The following EFCAB6 variants were observed in gnomAD, a reference collection of about 807,000 sequenced individuals.
EFCAB6 encodes the protein EF-hand calcium-binding domain-containing protein 6.
Under a neutral mutation model 169.8 loss-of-function variants are expected in EFCAB6, and 156 were observed. The observed-to-expected ratio is 0.92, with a 90% CI of 0.81 to 1.05. EFCAB6 has a LOEUF of 1.05. Ranked by LOEUF, EFCAB6 falls within the 50% of genes least tolerant of loss-of-function variation. The pLI, the probability that EFCAB6 is intolerant of heterozygous loss-of-function variation, is 0.00. For synonymous variants in EFCAB6, 698 were observed against 676.4 expected (o/e 1.03, Z -0.50); for missense variants, 1,800 against 1,829.1 (o/e 0.98, Z 0.29).
At chr22:43,643,638 AC>A (rs2055952733) in intron 17 of EFCAB6, among the ~76,000 whole-genome samples, 1 of 152,148 alleles carries the variant, frequency 6.6e-6, no homozygotes, top group African/African-American at 2.4e-5. Flanking sequence ...ACCCTGGGAG[AC>A]GCGTTGCTCC....
intron 2 of EFCAB6, among the ~76,000 whole-genome samples, chr22:43,791,739 A>G (rs2062299483): frequency 6.6e-6 from 1 of 152,140 alleles, no homozygotes; most frequent in South Asian, 2.1e-4. Context: ...GTTCCTGAAC[A>G]ATTCAGAGGA....
rs895405318 is a variant in EFCAB6, at chr22:43,561,085, G to A, written c.3421-5989C>T. ...AAAACTTAGAAACTACAGGCTGGGT[G>A]CAGTGGCTCACACCTGTAATCTCAG... On this transcript the variant is annotated intron_variant, in intron 26 of 31. Coordinates refer to ENST00000262726, the MANE Select transcript of EFCAB6 (RefSeq NM_022785.4). Among the ~76,000 whole-genome samples the A allele has an allele frequency of 7.2e-5, 11 of 152,168 alleles. 1 individual carries two copies. The highest frequency in any genetic ancestry group is 7.2e-4 in the Admixed American group (11 of 15,284).
At chr22:43,648,373 T>A (rs137747) in intron 17 of EFCAB6, among the ~76,000 whole-genome samples, 90,407 of 151,998 alleles carry the variant, frequency 0.59, 27,328 homozygotes, top group East Asian at 0.77. Context: ...AATACTACAC[T>A]GCCATAAAAA....
chr22:43,545,199 C>T (rs1037665146), intron 27 of EFCAB6, among the ~76,000 whole-genome samples: 1 of 152,080 alleles, frequency 6.6e-6, no homozygotes, highest in African/African-American at 2.4e-5. Flanking sequence ...TGAAAACAGA[C>T]ATGATTATGT....
intron 31 of EFCAB6, among the ~76,000 whole-genome samples, chr22:43,530,251 G>A (rs1351261714): frequency 6.6e-6 from 1 of 152,260 alleles, no homozygotes; most frequent in Non-Finnish European, 1.5e-5. Context: ...ATCCCTGACT[G>A]AGATTTATAC....
intron 17 of EFCAB6, among the ~76,000 whole-genome samples, chr22:43,645,316 T>G (rs1352658459): frequency 6.6e-6 from 1 of 152,230 alleles, no homozygotes; most frequent in Non-Finnish European, 1.5e-5. Context: ...AAAGTGCATG[T>G]CATTTCTTAA....
intron 16 of EFCAB6, 33 bp downstream of exon 16, chr22:43,668,839 T>C (rs1278711109): frequency 1.3e-6 from 2 of 1,540,500 alleles, no homozygotes; most frequent in Admixed American, 1.9e-5. Flanking sequence ...ACACTGTGGT[T>C]TTGATATGTG....
chr22:43,649,501 G>GT (rs1326116505), intron 17 of EFCAB6, among the ~76,000 whole-genome samples: 1 of 152,066 alleles, frequency 6.6e-6, no homozygotes, highest in Non-Finnish European at 1.5e-5. Context: ...GTTTAAAAAT[G>GT]TTTTTAAAAA....
intron 20 of EFCAB6, among the ~76,000 whole-genome samples, chr22:43,624,600 T>C: frequency 6.6e-6 from 1 of 152,170 alleles, no homozygotes; most frequent in East Asian, 1.9e-4. Flanking sequence ...GGCAAACTCT[T>C]ACTCAAACTT....
rs565347949 is a variant in EFCAB6, at chr22:43,711,530, G to A, written c.976C>T (p.Leu326Phe). The change falls in exon 10 of 32, where the codon CTC becomes TTC. Residue 326 changes from leucine to phenylalanine, a missense_variant. Leu to Phe is a conservative substitution (Grantham distance 22). Coordinates refer to ENST00000262726, the MANE Select transcript of EFCAB6 (RefSeq NM_022785.4). ...YVSFNYLKIVLDTFVYQIPRR... is the reference protein window; with the variant it reads ...YVSFNYLKIVFDTFVYQIPRR... ...GGTATTTGGTATACAAAAGTGTCGA[G>A]GACAATCTTTAGATAATTAAAAGAC... 46 of 1,605,632 alleles carry A rather than the reference G, an allele frequency of 2.9e-5. 1 individual carries two copies. The South Asian group carries it at 4.6e-4, about 16-fold the overall frequency.
intron 10 of EFCAB6, among the ~76,000 whole-genome samples, chr22:43,706,972 G>A (rs1476383379): frequency 6.6e-6 from 1 of 152,182 alleles, no homozygotes; most frequent in Non-Finnish European, 1.5e-5. Context: ...ACCAAGAAAG[G>A]GAAATCCATA....
chr22:43,778,249 C>A (rs2061700789), intron 3 of EFCAB6, among the ~76,000 whole-genome samples: 2 of 152,204 alleles, frequency 1.3e-5, no homozygotes, highest in South Asian at 4.1e-4. Flanking sequence ...GGACCTTGGT[C>A]ACAGAGCAGG....
At chr22:43,585,242 A>G (rs1436300542) in intron 24 of EFCAB6, among the ~76,000 whole-genome samples, 2 of 152,164 alleles carry the variant, frequency 1.3e-5, no homozygotes, top group South Asian at 4.1e-4. Flanking sequence ...ACAAGTGGGC[A>G]ATGTAATCAG....
rs149049771 is a variant in EFCAB6 at position 43,739,317 on chromosome 22, CT to C, written c.508-3325del. On this transcript the variant is annotated intron_variant, in intron 6 of 31. Transcript: ENST00000262726. ...TCCTTGAGGCACTTTTGCTACTTAG[CT>C]TCCAGAGCCAATGCTCTCTCTCCTT... 3.2e-3 allele frequency among the ~76,000 whole-genome samples: 483 copies of C among 152,320 alleles called. 6 individuals carry two copies. Among genetic ancestry groups the C allele is most frequent in the African/African-American group, 0.011 (460 of 41,578 alleles).
At chr22:43,801,224 T>C (rs763792171) in intron 2 of EFCAB6, among the ~76,000 whole-genome samples, 35 of 152,290 alleles carry the variant, frequency 2.3e-4, no homozygotes, top group Non-Finnish European at 4.3e-4. Context: ...AAGAATATTA[T>C]ATCCAGCAAA....
At chr22:43,703,550 C>T (rs1189123201) in intron 10 of EFCAB6, among the ~76,000 whole-genome samples, 1 of 151,590 alleles carries the variant, frequency 6.6e-6, no homozygotes, top group African/African-American at 2.4e-5. Flanking sequence ...GAATTCAGAA[C>T]AATCCTCTTA....
At chr22:43,567,917 C>G (rs1569170765) in intron 26 of EFCAB6, among the ~76,000 whole-genome samples, 1 of 152,194 alleles carries the variant, frequency 6.6e-6, no homozygotes. Flanking sequence ...AAGCCATGCT[C>G]CTCCGATTTC....
chr22:43,627,964 G>A (rs993004739), intron 19 of EFCAB6, among the ~76,000 whole-genome samples: 1 of 152,246 alleles, frequency 6.6e-6, no homozygotes, highest in East Asian at 1.9e-4. Flanking sequence ...CCCTGCCTCC[G>A]GAAGACAATA....
intron 23 of EFCAB6, among the ~76,000 whole-genome samples, chr22:43,590,742 C>CAAA (rs553431883): frequency 5.6e-4 from 45 of 80,092 alleles, no homozygotes; most frequent in African/African-American, 1.4e-3. Context: ...GTTTGAAGGC[C>CAAA]AAAAAAAAAA....
Sources: allele counts gnomAD v4.1 joint callset (sites outside exome capture counted in the v4.1 genomes callset), GRCh38; gene constraint gnomAD v4.1.1; transcripts MANE v1.5; gene names NCBI Gene and HGNC (gene_info 2026-07-23, HGNC 2026-07-21).